SF3B3: variants seen among roughly 807,000 people sequenced by gnomAD.
SF3B3 encodes SAP 130.
In SF3B3, 33 loss-of-function variants were observed where a neutral mutation model predicts 139.2. The ratio of observed to expected loss-of-function variants is 0.24; its 90% CI spans 0.18 to 0.32. The LOEUF is 0.32. Among genes scored for constraint, SF3B3 ranks in the 10% least tolerant of loss-of-function variants. The pLI is 1.00. For synonymous variants in SF3B3, 596 were observed against 563.6 expected, an observed-to-expected ratio of 1.06 and a Z score of -0.81; for missense variants, 818 against 1,509.4, an observed-to-expected ratio of 0.54 and a Z score of 7.59.
intron 2 of SF3B3, among the ~76,000 whole-genome samples, chr16:70,528,623 C>G (rs1272297462): frequency 3.3e-5 from 5 of 151,708 alleles, no homozygotes; most frequent in African/African-American, 1.2e-4. Flanking sequence ...TCACACCTGA[C>G]TAATTTTTTT....
chr16:70,569,174 C>G lies in SF3B3; in HGVS notation c.3264+33C>G, dbSNP rs549456401. ...TGCAGAATGGGCCCCAGGGAGAACA[C>G]TGCTTAGCACTTTTCCTGTTGCCCT... On this transcript the variant is annotated intron_variant, in intron 23 of 25. Coordinates refer to ENST00000302516, the MANE Select transcript of SF3B3 (RefSeq NM_012426.5). 37 of 1,442,428 alleles carry G rather than the reference C, an allele frequency of 2.6e-5. No homozygotes were observed. In the South Asian group the frequency reaches 4.0e-4, roughly 15 times the overall value. 89.4% of individuals were successfully genotyped at this position (1,442,428 alleles called of 1,614,324 possible).
chr16:70,530,629 A>C, intron 3 of SF3B3, 116 bp from the exon 4 acceptor site: 2 of 882,896 alleles, frequency 2.3e-6, no homozygotes, highest in Non-Finnish European at 3.5e-6. Context: ...TTATACTTGT[A>C]GAGTTACTGC....
chr16:70,528,576 T>C (rs555617536), intron 2 of SF3B3, among the ~76,000 whole-genome samples: 4 of 150,794 alleles, frequency 2.7e-5, no homozygotes, highest in Non-Finnish European at 5.9e-5. Context: ...GGGTTCAAAC[T>C]GTCCTCCCAC....
rs923022830 is a variant in SF3B3 at position 70,544,252 on chromosome 16, A to G, written c.1234-186A>G. On this transcript the variant is annotated intron_variant, in intron 9 of 25. Coordinates refer to ENST00000302516, the MANE Select transcript of SF3B3 (RefSeq NM_012426.5). ...GACTCCATTGCTCTGCAGAGAGAGT[A>G]AAGAATTTTCATTTGAACTGTCCAG... Among the ~76,000 whole-genome samples, 5 of 152,200 alleles carry G rather than the reference A, an allele frequency of 3.3e-5. No homozygotes were observed. The East Asian group carries it at 9.6e-4, about 29-fold the overall frequency.
chr16:70,554,579 AGAT>A lies in SF3B3; in HGVS notation c.1541_1543del (p.Asp514del), dbSNP rs1393688741. 1 of 1,613,920 alleles carries A rather than the reference AGAT, an allele frequency of 6.2e-7. No individual in the cohort carries two copies. The highest frequency in any genetic ancestry group is 8.5e-7 in the Non-Finnish European group (1 of 1,180,002). On this transcript the variant is annotated inframe_deletion, in exon 12 of 26. Transcript: ENST00000302516. ...CGACCTTGTCCTGCTCCTTATTAGG[AGAT>A]GATGCCTTGGTGCAGGTGAGGGTTC...
chr16:70,524,101 C>G, intron 1 of SF3B3, 173 bp downstream of exon 1: 2 of 386,968 alleles, frequency 5.2e-6, no homozygotes. Flanking sequence ...CTGCAGTTAT[C>G]TCTCGCTTCC....
intron 15 of SF3B3, among the ~76,000 whole-genome samples, chr16:70,557,270 A>G (rs1410398762): frequency 1.3e-5 from 2 of 152,194 alleles, no homozygotes; most frequent in African/African-American, 4.8e-5. Context: ...TAGCTACTCT[A>G]AGTCAGAACT....
rs568647188 is a variant in SF3B3, at chr16:70,567,183, T to A, written c.2827-228T>A. Among the ~76,000 whole-genome samples, 13 of 152,314 alleles carry A rather than the reference T, an allele frequency of 8.5e-5. No individual in the cohort carries two copies. The South Asian group carries it at 1.7e-3, about 19-fold the overall frequency. On this transcript the variant is annotated intron_variant, in intron 20 of 25. Transcript: ENST00000302516. ...ACAGAGCACAAGCTCTGGACAGCAG[T>A]CGTCTGGTACCAGAACTTCTTGTCA...
At chr16:70,564,925 C>A in intron 18 of SF3B3, 140 bp from the exon 19 acceptor site, 2 of 712,518 alleles carry the variant, frequency 2.8e-6, no homozygotes, top group Non-Finnish European at 5.0e-6. Flanking sequence ...ATAGTCATGT[C>A]GGGAAATCCT....
At chr16:70,567,014 A>G (rs1422017741) in intron 20 of SF3B3, among the ~76,000 whole-genome samples, 2 of 151,864 alleles carry the variant, frequency 1.3e-5, no homozygotes, top group Non-Finnish European at 2.9e-5. Context: ...TGCGCCTGCC[A>G]CAGCCCTTCA....
At chr16:70,541,862 C>T (rs1472703678) in intron 9 of SF3B3, 28 bp downstream of exon 9, 2 of 1,592,272 alleles carry the variant, frequency 1.3e-6, no homozygotes, top group East Asian at 2.2e-5. Flanking sequence ...GCCCCTTCCA[C>T]AATAGATCTA....
intron 18 of SF3B3, among the ~76,000 whole-genome samples, chr16:70,564,688 G>T (rs1450541695): frequency 6.6e-6 from 1 of 152,220 alleles, no homozygotes; most frequent in Non-Finnish European, 1.5e-5. Flanking sequence ...CAACCACGTA[G>T]AACTGTATCC....
chr16:70,530,361 C>T (rs1198621081), intron 3 of SF3B3, among the ~76,000 whole-genome samples: 3 of 150,014 alleles, frequency 2.0e-5, no homozygotes, highest in Non-Finnish European at 3.0e-5. Flanking sequence ...CACTTGTTGC[C>T]CAGGCTGGAG....
chr16:70,528,715 T>C (rs796987699), intron 2 of SF3B3, among the ~76,000 whole-genome samples, 158 bp from the exon 3 acceptor site: 6 of 151,950 alleles, frequency 3.9e-5, no homozygotes, highest in African/African-American at 1.4e-4. Flanking sequence ...CCTCCTGGGT[T>C]CAAGCGATTC....
Position 70,567,445 on chromosome 16 carries a change from C to A in SF3B3, c.2861C>A (p.Pro954Gln), listed in dbSNP as rs2050487652. The change falls in exon 21 of 26, where the codon CCA becomes CAA. Residue 954 changes from proline to glutamine, a missense_variant. Around this residue, in one of 14 missense-constraint regions of SF3B3, gnomAD observed 145 missense variants for 153.6 expected, o/e 0.94. Transcript: ENST00000302516. The stretch of plus-strand genomic sequence containing the variant: ...GAAGAGGTCCCTGCTGCTATTGCCC[C>A]ATTCCAGGGGAGGGTGTTGATTGGT... ...PVEEVPAAIA[P>Q]FQGRVLIGVG... is the part of the protein sequence containing the mutation. 6.2e-7 allele frequency: 1 copy of A among 1,613,960 alleles called. No individual in the cohort carries two copies. Among genetic ancestry groups the A allele is most frequent in the African/African-American group, 1.3e-5 (1 of 74,908 alleles).
intron 18 of SF3B3, among the ~76,000 whole-genome samples, chr16:70,564,844 A>G (rs1221089143): frequency 6.7e-6 from 1 of 150,264 alleles, no homozygotes; most frequent in East Asian, 1.9e-4. Flanking sequence ...TTCTACTAAT[A>G]TGTAACCAGC....
chr16:70,570,129 G>T lies in SF3B3; in HGVS notation c.3388G>T (p.Val1130Leu). 6.2e-7 allele frequency: 1 copy of T among 1,614,098 alleles called. No individual in the cohort carries two copies. Among genetic ancestry groups the T allele is most frequent in the Non-Finnish European group, 8.5e-7 (1 of 1,180,020 alleles). ...TTLSGGIGIL[V>L]PFTSHEDHDF... ...CTTGTCTGGAGGAATTGGCATCCTT[G>T]TGCCATTCACGTCCCATGAGGTGAG... is the stretch of plus-strand genomic sequence containing the variant. The change falls in exon 24 of 26, where the codon GTG becomes TTG. Residue 1130 changes from valine (V) to leucine (L), a missense_variant. Transcript: ENST00000302516.
chr16:70,531,486 A>G (rs996462861), intron 4 of SF3B3, among the ~76,000 whole-genome samples: 3 of 152,222 alleles, frequency 2.0e-5, no homozygotes, highest in African/African-American at 7.2e-5. Context: ...TATGTTGGCC[A>G]GGCTGGTCTT....
intron 11 of SF3B3, among the ~76,000 whole-genome samples, chr16:70,551,103 G>C (rs1379248879): frequency 1.3e-5 from 2 of 152,176 alleles, no homozygotes; most frequent in Non-Finnish European, 2.9e-5. Flanking sequence ...TTGAGCTTCA[G>C]GTATCTGGAT....
Sources: gnomAD v4.1 joint callset for allele counts (sites outside exome capture counted in the v4.1 genomes callset) on GRCh38, gnomAD v4.1.1 for gene constraint, gnomAD v4.1.1 regional missense constraint, MANE v1.5 for transcripts, NCBI Gene and HGNC (gene_info 2026-07-23, HGNC 2026-07-21) for gene names.